Variants in GRIP1 observed in about 807,000 individuals in gnomAD.
GRIP1 encodes glutamate receptor interacting protein 1, also known as glutamate receptor-interacting protein 1.
A neutral mutation model predicts 129.9 loss-of-function variants in GRIP1; 45 were observed. The ratio of observed to expected loss-of-function variants is 0.35; its 90% CI spans 0.27 to 0.44. The LOEUF (loss-of-function observed/expected upper bound fraction) is 0.44, where lower values mean the gene tolerates loss of function less well. GRIP1 is among the 20% of genes least tolerant of loss of function. The pLI is 1.00. For missense variants in GRIP1, 1,196 were observed against 1,396.8 expected, an observed-to-expected ratio of 0.86 and a Z score of 2.29; for synonymous variants, 530 against 520.8, an observed-to-expected ratio of 1.02 and a Z score of -0.24.
chr12:66,748,177 C>A (rs149366451), intron 1 of GRIP1, among the ~76,000 whole-genome samples: 2 of 152,120 alleles, frequency 1.3e-5, no homozygotes, highest in East Asian at 3.9e-4. Context: ...ACCATCATGT[C>A]GGCTAATTTC....
intron 1 of GRIP1, among the ~76,000 whole-genome samples, chr12:66,899,607 C>G (rs746127885): frequency 6.6e-6 from 1 of 152,116 alleles, no homozygotes; most frequent in African/African-American, 2.4e-5. Context: ...TAATGCAATC[C>G]TCCCATCTTG....
intron 1 of GRIP1, among the ~76,000 whole-genome samples, chr12:66,990,196 C>T (rs983405808): frequency 6.6e-6 from 1 of 152,146 alleles, no homozygotes; most frequent in African/African-American, 2.4e-5. Context: ...ACTCACTATA[C>T]GCATAGCTTT....
At chr12:66,750,441 A>T (rs946175508) in intron 1 of GRIP1, among the ~76,000 whole-genome samples, 1 of 152,158 alleles carries the variant, frequency 6.6e-6, no homozygotes, top group African/African-American at 2.4e-5. Context: ...GAGAGCCTCA[A>T]TATAGGGTGC....
At chr12:66,897,073 T>C (rs562552403) in intron 1 of GRIP1, among the ~76,000 whole-genome samples, 1 of 152,262 alleles carries the variant, frequency 6.6e-6, no homozygotes, top group Non-Finnish European at 1.5e-5. Flanking sequence ...GTATGTTGCT[T>C]ATATTTGCTG....
intron 1 of GRIP1, among the ~76,000 whole-genome samples, chr12:66,619,286 T>C (rs1433947426): frequency 6.6e-6 from 1 of 152,266 alleles, no homozygotes. Context: ...TAAAAGGTAC[T>C]TTTGGATGGG....
At position 66,387,424 on chromosome 12, in the gene GRIP1, G is replaced by T. The variant is rs76521834; in HGVS notation, c.2464+4884C>A. Among the ~76,000 whole-genome samples, 1,490 of 152,240 alleles carry T rather than the reference G, an allele frequency of 9.8e-3. 15 individuals are homozygous for T. Among genetic ancestry groups the T allele is most frequent in the African/African-American group, 0.033 (1,355 of 41,526 alleles). On this transcript the variant is annotated intron_variant, in intron 19 of 24. Coordinates refer to ENST00000359742, the MANE Select transcript of GRIP1 (RefSeq NM_001366722.1). ...ACCATGCTGGAACTGGGGTGTGTTT[G>T]GTACCTTGGAAACAGAGCCTCTAGC...
chr12:66,568,136 C>A, intron 2 of GRIP1: 1 of 275,734 alleles, frequency 3.6e-6, no homozygotes, highest in Non-Finnish European at 7.3e-6. Context: ...TTTGGAAACC[C>A]AGGGAACTGG....
At chr12:66,419,023 C>G (rs2057708630) in intron 15 of GRIP1, among the ~76,000 whole-genome samples, 1 of 152,014 alleles carries the variant, frequency 6.6e-6, no homozygotes, top group Non-Finnish European at 1.5e-5. Flanking sequence ...TTCACAATAG[C>G]CAAGATTTGC....
intron 1 of GRIP1, chr12:66,892,094 A>G (rs192723342): frequency 6.5e-6 from 1 of 152,974 alleles, no homozygotes; most frequent in East Asian, 1.9e-4. Flanking sequence ...GTGAGGAGAC[A>G]CAAGGGCAGA....
chr12:66,385,391 C>T (rs1592738824), intron 19 of GRIP1, among the ~76,000 whole-genome samples: 1 of 151,660 alleles, frequency 6.6e-6, no homozygotes, highest in Non-Finnish European at 1.5e-5. Flanking sequence ...TAAAAATTAG[C>T]TGGGCGTGGT....
intron 7 of GRIP1, among the ~76,000 whole-genome samples, chr12:66,466,104 T>C (rs1158659284): frequency 6.6e-6 from 1 of 152,210 alleles, no homozygotes; most frequent in East Asian, 1.9e-4. Context: ...GGAACACTCT[T>C]TGTTCCTTCA....
chr12:66,413,645 C>A (rs1313791494), intron 15 of GRIP1, among the ~76,000 whole-genome samples: 1 of 151,920 alleles, frequency 6.6e-6, no homozygotes, highest in African/African-American at 2.4e-5. Context: ...TATACAACAG[C>A]AAGTAAAAAC....
At chr12:66,404,491 T>C (rs2057118601) in intron 16 of GRIP1, among the ~76,000 whole-genome samples, 3 of 152,202 alleles carry the variant, frequency 2.0e-5, no homozygotes, top group Admixed American at 2.0e-4. Flanking sequence ...ACCAATGCCA[T>C]GGCATGCTCC....
chr12:66,979,242 A>C (rs1293356680), intron 1 of GRIP1, among the ~76,000 whole-genome samples: 46 of 148,374 alleles, frequency 3.1e-4, no homozygotes, highest in Middle Eastern at 3.4e-3. Flanking sequence ...AAAAAAAAAA[A>C]AAAAAAAAAA....
In GRIP1 at chr12:66,898,914, C is replaced by T. The variant is rs750308170; in HGVS notation, c.58+170136G>A. 1.2e-3 allele frequency among the ~76,000 whole-genome samples: 179 copies of T among 152,058 alleles called. 1 individual carries two copies. The highest frequency in any genetic ancestry group is 1.3e-3 in the Non-Finnish European group (86 of 68,024). ...TTGAACAGGAAAGTTTATGTAAGGC[C>T]TCAACACCAAGGATCCTGGCAGTAG... On this transcript the variant is annotated intron_variant, in intron 1 of 1. Coordinates refer to the GRIP1 transcript ENST00000643019.
At chr12:66,625,641 G>A (rs1455218173) in intron 1 of GRIP1, among the ~76,000 whole-genome samples, 1 of 152,122 alleles carries the variant, frequency 6.6e-6, no homozygotes, top group African/African-American at 2.4e-5. Flanking sequence ...AACATAAGCA[G>A]TTTTAAAGTG....
chr12:66,361,006 A>G (rs1172943038), intron 23 of GRIP1, among the ~76,000 whole-genome samples: 1 of 152,244 alleles, frequency 6.6e-6, no homozygotes, highest in Non-Finnish European at 1.5e-5. Context: ...CATGACAGAT[A>G]CCACTGGGGT....
chr12:66,894,773 G>C (rs1056232126), intron 1 of GRIP1, among the ~76,000 whole-genome samples: 1 of 152,172 alleles, frequency 6.6e-6, no homozygotes, highest in Non-Finnish European at 1.5e-5. Context: ...AAGCAGTAGA[G>C]GTCCCTCAGG....
intron 1 of GRIP1, among the ~76,000 whole-genome samples, chr12:66,904,949 A>T (rs1488385673): frequency 1.3e-5 from 2 of 152,132 alleles, no homozygotes; most frequent in African/African-American, 4.8e-5. Context: ...TTGGTAAAGC[A>T]AAAGAGAGTT....
Sources: allele counts gnomAD v4.1 joint callset (sites outside exome capture counted in the v4.1 genomes callset), GRCh38; gene constraint gnomAD v4.1.1; transcripts MANE v1.5; gene names NCBI Gene and HGNC (gene_info 2026-07-23, HGNC 2026-07-21).